EPHB1: variants seen among roughly 807,000 people sequenced by gnomAD.
EPHB1 encodes EPH receptor B1, also known as ephrin type-B receptor 1.
Under a neutral mutation model 94.4 loss-of-function variants are expected in EPHB1, and 30 were observed. The observed-to-expected ratio is 0.32, with a 90% CI of 0.24 to 0.43. The LOEUF is 0.43. EPHB1 is among the 20% of genes least tolerant of loss of function. EPHB1 has a pLI of 1.00. For missense variants in EPHB1, 1,055 were observed against 1,308.3 expected (o/e 0.81, Z 2.99); for synonymous variants, 522 against 489.1 (o/e 1.07, Z -0.89).
At chr3:135,117,566 G>T (rs781694808) in intron 4 of EPHB1, among the ~76,000 whole-genome samples, 30 of 152,210 alleles carry the variant, frequency 2.0e-4, no homozygotes, top group Non-Finnish European at 3.5e-4. Flanking sequence ...AAGTGTTCTG[G>T]CTCTGAAGCC....
chr3:135,250,781 T>C (rs531900171), intron 15 of EPHB1, among the ~76,000 whole-genome samples: 1 of 152,256 alleles, frequency 6.6e-6, no homozygotes, highest in East Asian at 1.9e-4. Context: ...GCACATATTG[T>C]GGGATCTGGC....
intron 3 of EPHB1, among the ~76,000 whole-genome samples, chr3:135,083,129 A>G (rs1222512836): frequency 6.6e-6 from 1 of 152,168 alleles, no homozygotes; most frequent in Non-Finnish European, 1.5e-5. Context: ...AGGCTGGGAC[A>G]GGGAGAGACT....
intron 4 of EPHB1, 71 bp from the exon 5 acceptor site, chr3:135,132,643 G>A (rs2107687015): frequency 1.4e-6 from 2 of 1,399,446 alleles, no homozygotes; most frequent in Non-Finnish European, 1.9e-6. Flanking sequence ...ATGCACCAGA[G>A]GCAGACAAGA....
At chr3:134,853,161 G>A (rs1427843205) in intron 1 of EPHB1, among the ~76,000 whole-genome samples, 1 of 152,210 alleles carries the variant, frequency 6.6e-6, no homozygotes, top group Non-Finnish European at 1.5e-5. Context: ...GGAAAGAAAA[G>A]GGGAGACAAA....
At chr3:135,119,186 T>A (rs1241472935) in intron 4 of EPHB1, among the ~76,000 whole-genome samples, 2 of 152,360 alleles carry the variant, frequency 1.3e-5, no homozygotes, top group South Asian at 4.1e-4. Context: ...TTTATAACCC[T>A]TGCCTTTTTC....
At chr3:134,856,214 A>T (rs1275994239) in intron 1 of EPHB1, among the ~76,000 whole-genome samples, 2 of 152,138 alleles carry the variant, frequency 1.3e-5, no homozygotes, top group Admixed American at 1.3e-4. Context: ...AGACAGGTTT[A>T]TGGGCACGGG....
At chr3:135,226,873 T>C (rs1055672472) in intron 12 of EPHB1, among the ~76,000 whole-genome samples, 1 of 151,184 alleles carries the variant, frequency 6.6e-6, no homozygotes, top group Non-Finnish European at 1.5e-5. Flanking sequence ...TGCAGCAACA[T>C]AGACGGAGCT....
chr3:134,810,645 A>T lies in EPHB1; in HGVS notation c.58+14956A>T, dbSNP rs1432485910. 9.2e-5 allele frequency among the ~76,000 whole-genome samples: 14 copies of T among 152,214 alleles called. 1 individual carries two copies. The highest frequency in any genetic ancestry group is 9.2e-4 in the Admixed American group (14 of 15,284). On this transcript the variant is annotated intron_variant, in intron 1 of 15. Transcript: ENST00000398015. ...AGGCTCTGGTTCAGCTGAGCTTGAC[A>T]AAGCCGGGGACTCAGCTATAGCACT...
chr3:134,838,739 T>G (rs1363531803), intron 1 of EPHB1, among the ~76,000 whole-genome samples: 1 of 152,232 alleles, frequency 6.6e-6, no homozygotes, highest in Non-Finnish European at 1.5e-5. Flanking sequence ...CTGGATCTAT[T>G]AATAAGACAA....
intron 1 of EPHB1, among the ~76,000 whole-genome samples, chr3:134,888,214 G>T (rs897009681): frequency 6.6e-6 from 1 of 152,190 alleles, no homozygotes; most frequent in Non-Finnish European, 1.5e-5. Context: ...GGTCTTCCTT[G>T]ACTGAGTCGG....
At chr3:134,928,302 C>G (rs1448404244) in intron 2 of EPHB1, among the ~76,000 whole-genome samples, 1 of 152,268 alleles carries the variant, frequency 6.6e-6, no homozygotes, top group Non-Finnish European at 1.5e-5. Flanking sequence ...GATACCCCAT[C>G]ACAGGTCTTC....
At chr3:135,195,150 T>C (rs1942563167) in intron 11 of EPHB1, among the ~76,000 whole-genome samples, 1 of 152,096 alleles carries the variant, frequency 6.6e-6, no homozygotes, top group South Asian at 2.1e-4. Context: ...AAGACCCTTT[T>C]GGGAGTCATT....
chr3:134,836,615 T>C (rs1180202534), intron 1 of EPHB1, among the ~76,000 whole-genome samples: 3 of 152,230 alleles, frequency 2.0e-5, no homozygotes, highest in Non-Finnish European at 4.4e-5. Context: ...TAAAATCACA[T>C]ATTCATATAT....
intron 3 of EPHB1, among the ~76,000 whole-genome samples, chr3:134,965,605 T>A (rs892858325): frequency 6.6e-6 from 1 of 152,144 alleles, no homozygotes; most frequent in Non-Finnish European, 1.5e-5. Flanking sequence ...AAAACAATTA[T>A]TTTGGAGAGT....
chr3:135,040,522 T>C (rs1255455726), intron 3 of EPHB1, among the ~76,000 whole-genome samples: 1 of 152,234 alleles, frequency 6.6e-6, no homozygotes, highest in African/African-American at 2.4e-5. Flanking sequence ...AGCCCTGACC[T>C]GCAGGAGTGT....
At chr3:135,031,398 C>G (rs1217492447) in intron 3 of EPHB1, among the ~76,000 whole-genome samples, 1 of 152,192 alleles carries the variant, frequency 6.6e-6, no homozygotes. Context: ...CAACTTCTGC[C>G]TCCTGGGCTC....
At chr3:135,021,879 T>A (rs1220273400) in intron 3 of EPHB1, among the ~76,000 whole-genome samples, 6 of 152,250 alleles carry the variant, frequency 3.9e-5, no homozygotes, top group African/African-American at 1.4e-4. Flanking sequence ...ATTGTTTTCC[T>A]TGTTGATCAA....
intron 12 of EPHB1, among the ~76,000 whole-genome samples, chr3:135,215,291 G>T (rs1943122596): frequency 6.6e-6 from 1 of 152,010 alleles, no homozygotes; most frequent in Non-Finnish European, 1.5e-5. Flanking sequence ...AGCCTCCCGA[G>T]TAGCTGGGAT....
At position 135,038,203 on chromosome 3, in the gene EPHB1, G is replaced by A. The variant is rs560980441; in HGVS notation, c.806-68245G>A. Among the ~76,000 whole-genome samples the A allele has an allele frequency of 3.9e-5, 6 of 152,316 alleles. No homozygotes were observed. The East Asian group carries it at 5.8e-4, about 15-fold the overall frequency. ...TGTGAGTTTACTTTTCACCCGTGGT[G>A]GGGTAGGAATGACAGAAAATTCTTT... On this transcript the variant is annotated intron_variant, in intron 3 of 15. Transcript: ENST00000398015.
Sources: gnomAD v4.1 joint callset for allele counts (sites outside exome capture counted in the v4.1 genomes callset) on GRCh38, gnomAD v4.1.1 for gene constraint, MANE v1.5 for transcripts, NCBI Gene and HGNC (gene_info 2026-07-23, HGNC 2026-07-21) for gene names.